Variants in NCKAP5 observed in about 807,000 individuals in gnomAD.
The protein encoded by NCKAP5 is nck-associated protein 5.
Under a neutral mutation model 167.0 loss-of-function variants are expected in NCKAP5, and 92 were observed. That is an observed-to-expected ratio of 0.55 (90% CI 0.47 to 0.66). NCKAP5 has a LOEUF of 0.66. NCKAP5 is among the 30% of genes least tolerant of loss of function. The pLI, the probability that NCKAP5 is intolerant of heterozygous loss-of-function variation, is 0.00. For synonymous variants in NCKAP5, 891 were observed against 877.4 expected, an observed-to-expected ratio of 1.02 and a Z score of -0.27; for missense variants, 2,378 against 2,315.0, an observed-to-expected ratio of 1.03 and a Z score of -0.56.
chr2:132,684,892 A>G (rs1255187058), intron 19 of NCKAP5, among the ~76,000 whole-genome samples: 7 of 152,198 alleles, frequency 4.6e-5, no homozygotes, highest in Non-Finnish European at 1.0e-4. Flanking sequence ...CAAATGGATG[A>G]GAAGGGAAGG....
Position 132,672,929 on chromosome 2 carries a change from T to TTTA in NCKAP5, c.*357_*359dup, listed in dbSNP as rs10639028. 0.011 allele frequency: 10,558 copies of TTTA among 969,178 alleles called. 900 individuals are homozygous for TTTA. In the African/African-American group the frequency reaches 0.18, roughly 16 times the overall value. 60.0% of individuals were successfully genotyped at this position (969,178 alleles called of 1,614,324 possible). On this transcript the variant is annotated 3_prime_UTR_variant, in exon 20 of 20. Coordinates refer to ENST00000409261, the MANE Select transcript of NCKAP5 (RefSeq NM_207363.3). ...AAGGAAGGCTCTGGTACTGCAATAG[T>TTTA]TTATTGTTATCTCTATCAAGCGGTG...
chr2:133,638,458 A>T, the NCKAP5 span, among the ~76,000 whole-genome samples: 6 of 152,214 alleles, frequency 3.9e-5, no homozygotes, highest in African/African-American at 7.2e-5. Context: ...GGGAATTAAA[A>T]CAAAACACAT....
chr2:133,474,452 A>C (rs1259857717), intron 3 of NCKAP5, among the ~76,000 whole-genome samples: 2 of 152,206 alleles, frequency 1.3e-5, no homozygotes, highest in Non-Finnish European at 2.9e-5. Flanking sequence ...AATTTCACTT[A>C]GACTGCAGGA....
At position 132,907,518 on chromosome 2, in the gene NCKAP5, A is replaced by G. The variant is rs185164931; in HGVS notation, c.580-28602T>C. Among the ~76,000 whole-genome samples the G allele has an allele frequency of 1.3e-3, 192 of 152,308 alleles. 1 individual carries two copies. The highest frequency in any genetic ancestry group is 4.4e-3 in the African/African-American group (181 of 41,572). The stretch of plus-strand genomic sequence containing the variant: ...TTTTCCTCTTTGTAGGTGGGAAAAG[A>G]TACTTCCTATGTCACCTGCCTGAAG... On this transcript the variant is annotated intron_variant, in intron 8 of 19. Coordinates refer to ENST00000409261, the MANE Select transcript of NCKAP5 (RefSeq NM_207363.3).
At chr2:133,471,970 G>T (rs1251400707) in intron 3 of NCKAP5, among the ~76,000 whole-genome samples, 1 of 152,140 alleles carries the variant, frequency 6.6e-6, no homozygotes, top group African/African-American at 2.4e-5. Context: ...TCAACTTAGT[G>T]TCCTGGATGT....
intron 3 of NCKAP5, among the ~76,000 whole-genome samples, chr2:133,385,845 A>T (rs1436267890): frequency 2.0e-5 from 3 of 152,148 alleles, no homozygotes; most frequent in Non-Finnish European, 4.4e-5. Context: ...AGAGGTGTTT[A>T]TAGTATTCTC....
intron 5 of NCKAP5, among the ~76,000 whole-genome samples, chr2:133,205,267 G>A (rs891777835): frequency 4.9e-5 from 7 of 142,688 alleles, no homozygotes; most frequent in Non-Finnish European, 7.8e-5. Flanking sequence ...ACTCCAGTCT[G>A]GGTAACACAG....
At chr2:132,751,127 G>T (rs1209319756) in intron 16 of NCKAP5, among the ~76,000 whole-genome samples, 1 of 152,076 alleles carries the variant, frequency 6.6e-6, no homozygotes, top group Admixed American at 6.5e-5. Flanking sequence ...CTTGGTGGGA[G>T]GCGTTTGGAT....
chr2:132,848,894 T>A (rs530575956), intron 11 of NCKAP5, among the ~76,000 whole-genome samples: 1 of 152,216 alleles, frequency 6.6e-6, no homozygotes, highest in Non-Finnish European at 1.5e-5. Flanking sequence ...ACAACTGTTT[T>A]TTTTAAAGAT....
At chr2:132,718,864 T>C (rs1469489899) in intron 19 of NCKAP5, among the ~76,000 whole-genome samples, 3 of 151,978 alleles carry the variant, frequency 2.0e-5, no homozygotes, top group East Asian at 3.9e-4. Context: ...AATGAGGGAG[T>C]TGAATGTGCA....
At chr2:132,714,274 G>A (rs1434582335) in intron 19 of NCKAP5, among the ~76,000 whole-genome samples, 1 of 152,142 alleles carries the variant, frequency 6.6e-6, no homozygotes, top group Non-Finnish European at 1.5e-5. Flanking sequence ...CATTATTTTA[G>A]TCAATAGTTT....
intron 4 of NCKAP5, among the ~76,000 whole-genome samples, chr2:133,289,020 A>G (rs1679368593): frequency 6.6e-6 from 1 of 152,232 alleles, no homozygotes; most frequent in Non-Finnish European, 1.5e-5. Context: ...GACTTTTGCA[A>G]GACCACAGAG....
chr2:133,372,863 G>C (rs909694249), intron 3 of NCKAP5, among the ~76,000 whole-genome samples: 1 of 152,078 alleles, frequency 6.6e-6, no homozygotes, highest in African/African-American at 2.4e-5. Context: ...ACTATGACAG[G>C]CACCTTCTGG....
At chr2:133,170,787 T>C (rs2084215716) in intron 5 of NCKAP5, among the ~76,000 whole-genome samples, 1 of 152,188 alleles carries the variant, frequency 6.6e-6, no homozygotes. Flanking sequence ...ATTGTCCTTG[T>C]GGATGTCCCA....
the NCKAP5 span, among the ~76,000 whole-genome samples, chr2:133,611,333 T>C: frequency 6.6e-6 from 1 of 152,046 alleles, no homozygotes; most frequent in East Asian, 1.9e-4. Flanking sequence ...TCTTCAAGGT[T>C]ACAGCAGCCA....
chr2:133,137,532 G>T (rs1489725481), intron 5 of NCKAP5, among the ~76,000 whole-genome samples: 2 of 151,604 alleles, frequency 1.3e-5, no homozygotes, highest in South Asian at 4.2e-4. Flanking sequence ...AATTTCAAGG[G>T]CAAGTAAGAC....
chr2:133,331,199 G>A (rs1307599491), intron 3 of NCKAP5, among the ~76,000 whole-genome samples: 1 of 152,012 alleles, frequency 6.6e-6, no homozygotes, highest in East Asian at 1.9e-4. Flanking sequence ...TCAGTTCTTG[G>A]GCTAAATATA....
intron 3 of NCKAP5, among the ~76,000 whole-genome samples, chr2:133,388,789 T>C (rs1430094895): frequency 6.6e-6 from 1 of 152,210 alleles, no homozygotes; most frequent in African/African-American, 2.4e-5. Context: ...CTCAGACTGC[T>C]GTGCTAGCAA....
At chr2:132,753,817 TG>T (rs1183356191) in intron 16 of NCKAP5, among the ~76,000 whole-genome samples, 1 of 152,206 alleles carries the variant, frequency 6.6e-6, no homozygotes, top group African/African-American at 2.4e-5. Context: ...CAGGGCACTG[TG>T]GGTGACCCAT....
Sources: gnomAD v4.1 joint callset for allele counts (sites outside exome capture counted in the v4.1 genomes callset) on GRCh38, gnomAD v4.1.1 for gene constraint, MANE v1.5 for transcripts, NCBI Gene and HGNC (gene_info 2026-07-23, HGNC 2026-07-21) for gene names.